ADGRG1: variants seen among roughly 807,000 people sequenced by gnomAD.
ADGRG1 encodes the protein adhesion G protein-coupled receptor G1, also known as 7-transmembrane protein with no EGF-like N-terminal domains-1.
A neutral mutation model predicts 73.5 loss-of-function variants in ADGRG1; 53 were observed. The ratio of observed to expected loss-of-function variants is 0.72; its 90% CI spans 0.58 to 0.91. The LOEUF is 0.91. Among genes scored for constraint, ADGRG1 ranks in the 40% least tolerant of loss-of-function variants. The probability of loss-of-function intolerance (pLI) is 0.00; values close to 1 mark genes in which losing one functional copy is unlikely to be tolerated. For synonymous variants in ADGRG1, 394 were observed against 374.4 expected, an observed-to-expected ratio of 1.05 and a Z score of -0.60; for missense variants, 795 against 871.8, an observed-to-expected ratio of 0.91 and a Z score of 1.11.
intron 1 of ADGRG1, chr16:57,645,288 C>A (rs1221067136): frequency 1.0e-6 from 1 of 985,344 alleles, no homozygotes; most frequent in Non-Finnish European, 1.2e-6. Flanking sequence ...AAGGGGAAGG[C>A]CTCCAGGTGG....
upstream of ADGRG1, chr16:57,623,098 C>G (rs995248365): frequency 1.3e-5 from 13 of 979,180 alleles, no homozygotes; most frequent in Non-Finnish European, 1.6e-5. Flanking sequence ...AGTCCCTTTC[C>G]CTCTCTGAGT....
At chr16:57,642,201 A>G in intron 1 of ADGRG1, 2 of 985,394 alleles carry the variant, frequency 2.0e-6, no homozygotes, top group African/African-American at 1.7e-5. Context: ...ACTTTAATGG[A>G]ATGGCACACC....
intron 11 of ADGRG1, chr16:57,660,248 G>C (rs980934099): frequency 2.0e-6 from 2 of 985,246 alleles, no homozygotes; most frequent in African/African-American, 3.5e-5. Context: ...CCAGCTTGCT[G>C]CTCTTCGCGG....
Position 57,663,946 on chromosome 16 carries a change from C to T in ADGRG1, c.*364C>T, listed in dbSNP as rs1396945521. ...CTTGGATCTTGAGGGTCTGGCACAT[C>T]CTTAATCCTGTGCCCCTGCCTGGGA... On this transcript the variant is annotated 3_prime_UTR_variant, in exon 14 of 14. Transcript: ENST00000562631. 1 of 350,242 alleles carries T rather than the reference C, an allele frequency of 2.9e-6. No homozygotes were observed. The highest frequency in any genetic ancestry group is 2.1e-5 in the African/African-American group (1 of 47,518). The allele number at this position is 350,242 out of a possible 1,614,324, so 21.7% of individuals were successfully genotyped here.
At position 57,660,849 on chromosome 16, in the gene ADGRG1, C is replaced by T. The variant is rs993849503; in HGVS notation, c.1637C>T (p.Thr546Ile). Residue 546 changes from threonine to isoleucine, a missense_variant, in exon 12 of 14, where the codon ACT becomes ATT. Physicochemically the swap from Thr to Ile is moderately conservative, Grantham distance 89. Coordinates refer to ENST00000562631, the MANE Select transcript of ADGRG1 (RefSeq NM_201525.4). Reference protein sequence around the residue: ...YGPIILAVHRTPEGVIYPSMC... With the variant: ...YGPIILAVHRIPEGVIYPSMC... The stretch of plus-strand genomic sequence containing the variant: ...CCCATCATCTTGGCTGTGCATAGGA[C>T]TCCAGAGGGCGTCATCTACCCTTCC... 23 of 1,604,554 alleles carry T rather than the reference C, an allele frequency of 1.4e-5. No individual in the cohort carries two copies. Among genetic ancestry groups the T allele is most frequent in the Non-Finnish European group, 2.0e-5 (23 of 1,171,418 alleles).
chr16:57,662,898 C>T (rs1395704451), intron 13 of ADGRG1: 26 of 984,376 alleles, frequency 2.6e-5, no homozygotes, highest in Non-Finnish European at 3.0e-5. Flanking sequence ...GCCAGCCTCC[C>T]ATACAGGGTC....
At chr16:57,634,073 G>A (rs2038728423) in intron 1 of ADGRG1, 1 of 985,312 alleles carries the variant, frequency 1.0e-6, no homozygotes, top group Admixed American at 6.1e-5. Flanking sequence ...TAGCCCTGGA[G>A]AGGAGGCCTG....
rs1426319855 is a variant in ADGRG1, at chr16:57,629,029, TGTGAGAGTGTGA to T, written c.-36+233_-36+244del. ...GTGAGAGTGTGACTGAGCGTTTGAG[TGTGAGAGTGTGA>T]GTGAGTGTGTGTGAGTATGAGTGTG... On this transcript the variant is annotated intron_variant, in intron 1 of 13. Coordinates refer to ENST00000562631, the MANE Select transcript of ADGRG1 (RefSeq NM_201525.4). 1.3e-3 allele frequency: 628 copies of T among 486,782 alleles called. 4 individuals are homozygous for T. Among genetic ancestry groups the T allele is most frequent in the African/African-American group, 9.3e-3 (417 of 44,718 alleles). 30.2% of individuals were successfully genotyped at this position (486,782 alleles called of 1,614,324 possible).
At chr16:57,624,856 G>A (rs1405377411), upstream of ADGRG1, 2 of 231,138 alleles carry the variant, frequency 8.7e-6, no homozygotes, top group Non-Finnish European at 1.4e-5. Context: ...ATGCATTGGG[G>A]TGCCCATTGT....
chr16:57,655,796 A>G, intron 6 of ADGRG1, 80 bp from the exon 7 acceptor site: 20 of 1,613,446 alleles, frequency 1.2e-5, no homozygotes, highest in Non-Finnish European at 1.4e-5. Flanking sequence ...GGTTATCTAG[A>G]GAGGGTAAGG....
chr16:57,625,435 G>A (rs551622614), upstream of ADGRG1: 56 of 227,978 alleles, frequency 2.5e-4, no homozygotes, highest in Admixed American at 2.3e-3. Flanking sequence ...GTCGGGTTGT[G>A]GGGGGTGGGG....
chr16:57,626,082 G>GA (rs1384997908), upstream of ADGRG1, among the ~76,000 whole-genome samples: 1 of 152,196 alleles, frequency 6.6e-6, no homozygotes, highest in Non-Finnish European at 1.5e-5. Flanking sequence ...AGAACAGAAG[G>GA]AGAAGATGAA....
intron 10 of ADGRG1, chr16:57,658,868 G>A (rs1203551180): frequency 4.3e-6 from 3 of 703,952 alleles, no homozygotes; most frequent in African/African-American, 3.9e-5. Context: ...TAGGGGCAGG[G>A]CAGGGTGGGA....
At chr16:57,628,189 G>A, upstream of ADGRG1, 1 of 985,320 alleles carries the variant, frequency 1.0e-6, no homozygotes, top group South Asian at 4.7e-5. Context: ...GCTCCCGTCG[G>A]CTGCCAAGGA....
chr16:57,629,685 G>A (rs1158876720), intron 1 of ADGRG1, among the ~76,000 whole-genome samples: 1 of 152,174 alleles, frequency 6.6e-6, no homozygotes, highest in African/African-American at 2.4e-5. Context: ...TCCTGGAACC[G>A]GTGACAGGCA....
At chr16:57,631,135 C>G (rs776704123) in intron 1 of ADGRG1, 9 of 985,704 alleles carry the variant, frequency 9.1e-6, no homozygotes, top group African/African-American at 1.8e-5. Context: ...AGCTTGGGAG[C>G]AGCTTCACGT....
upstream of ADGRG1, chr16:57,628,554 C>CAGGGAGG (rs2147123796): frequency 1.0e-6 from 1 of 985,560 alleles, no homozygotes; most frequent in South Asian, 4.7e-5. Flanking sequence ...CAGTCAAGCT[C>CAGGGAGG]AGGGAGGAGG....
At chr16:57,625,756 A>G (rs2035716885), upstream of ADGRG1, 3 of 631,934 alleles carry the variant, frequency 4.7e-6, no homozygotes, top group African/African-American at 2.0e-5. Flanking sequence ...CTGGCTCCCC[A>G]GTACCTTTGA....
At chr16:57,634,029 C>T (rs11646368) in intron 1 of ADGRG1, 26,494 of 976,784 alleles carry the variant, frequency 0.027, 1,028 homozygotes, top group East Asian at 0.21. Flanking sequence ...CCCACAGAAC[C>T]GCCGACCTTT....
Sources: gnomAD v4.1 joint callset for allele counts (sites outside exome capture counted in the v4.1 genomes callset) on GRCh38, gnomAD v4.1.1 for gene constraint, MANE v1.5 for transcripts, NCBI Gene and HGNC (gene_info 2026-07-23, HGNC 2026-07-21) for gene names.